ZCCHC17: variants seen among roughly 807,000 people sequenced by gnomAD.
ZCCHC17 encodes the protein zinc finger CCHC-type containing 17.
A neutral mutation model predicts 30.6 loss-of-function variants in ZCCHC17; 18 were observed. That is an observed-to-expected ratio of 0.59 (90% confidence interval 0.41 to 0.87). ZCCHC17 has a LOEUF of 0.87. Ranked by LOEUF, ZCCHC17 falls within the 40% of genes least tolerant of loss-of-function variation. The probability of loss-of-function intolerance (pLI) is 0.00; values close to 1 mark genes in which losing one functional copy is unlikely to be tolerated. For synonymous variants in ZCCHC17, 88 were observed against 92.4 expected, an observed-to-expected ratio of 0.95 and a Z score of 0.27; for missense variants, 263 against 284.2, an observed-to-expected ratio of 0.93 and a Z score of 0.54.
chr1:31,347,607 G>A (rs1277646471), intron 6 of ZCCHC17, among the ~76,000 whole-genome samples: 3 of 152,138 alleles, frequency 2.0e-5, no homozygotes, highest in African/African-American at 7.2e-5. Context: ...CAGAGGTACA[G>A]AGTACTTTAC....
At chr1:31,340,574 C>T (rs111556383) in intron 5 of ZCCHC17, among the ~76,000 whole-genome samples, 2 of 152,142 alleles carry the variant, frequency 1.3e-5, no homozygotes, top group African/African-American at 4.8e-5. Flanking sequence ...GTCTCGGCCT[C>T]CCAAAGTGCT....
chr1:31,301,913 T>G (rs1010937205), intron 1 of ZCCHC17, among the ~76,000 whole-genome samples: 1 of 152,158 alleles, frequency 6.6e-6, no homozygotes, highest in East Asian at 1.9e-4. Context: ...GGGAGGAAAG[T>G]TGGACCACCA....
At chr1:31,318,581 A>G (rs1210379672) in intron 2 of ZCCHC17, among the ~76,000 whole-genome samples, 2 of 152,018 alleles carry the variant, frequency 1.3e-5, no homozygotes, top group East Asian at 3.8e-4. Context: ...GAAACCCAAG[A>G]CTCAGACTTG....
In ZCCHC17 at chr1:31,297,074, T is replaced by C. The variant is rs760519798; in HGVS notation, c.-57T>C. 2.3e-6 allele frequency: 1 copy of C among 436,212 alleles called. No homozygotes were observed. Among genetic ancestry groups the C allele is most frequent in the Non-Finnish European group, 4.1e-6 (1 of 246,216 alleles). 27.0% of individuals were successfully genotyped at this position (436,212 alleles called of 1,614,324 possible). A position where few individuals can be genotyped will look rare whatever the true frequency, so the allele number is the denominator to read the frequency against. ...GACTCGGGGACCTGGAGCTGACGCC[T>C]AGTACGTATGAGGAAGAACGGGGTG... On this transcript the variant is annotated splice_region_variant and 5_prime_UTR_variant, in exon 1 of 8. Transcript: ENST00000344147.
intron 3 of ZCCHC17, among the ~76,000 whole-genome samples, chr1:31,330,830 A>G (rs1376214075): frequency 6.6e-6 from 1 of 152,170 alleles, no homozygotes; most frequent in African/African-American, 2.4e-5. Flanking sequence ...AGGGGCCTCA[A>G]ATATTTTATA....
intron 3 of ZCCHC17, among the ~76,000 whole-genome samples, chr1:31,320,262 T>G (rs1405094756): frequency 6.6e-6 from 1 of 152,186 alleles, no homozygotes; most frequent in Non-Finnish European, 1.5e-5. Flanking sequence ...AAAGCTAATC[T>G]CAAAAGGTTA....
intron 7 of ZCCHC17, among the ~76,000 whole-genome samples, chr1:31,363,221 T>A (rs180827059): frequency 1.4e-4 from 21 of 151,252 alleles, no homozygotes; most frequent in African/African-American, 5.1e-4. Flanking sequence ...TCTCGCTCTG[T>A]CGCCAAGGCT....
chr1:31,338,797 T>G (rs191022040), intron 4 of ZCCHC17, among the ~76,000 whole-genome samples, 160 bp from the exon 5 acceptor site: 2 of 152,276 alleles, frequency 1.3e-5, no homozygotes, highest in East Asian at 3.9e-4. Context: ...TGCCACAGGG[T>G]CTACCTGTTA....
chr1:31,348,632 T>C (rs1405221484), intron 6 of ZCCHC17, among the ~76,000 whole-genome samples, 197 bp from the exon 7 acceptor site: 2 of 152,228 alleles, frequency 1.3e-5, no homozygotes, highest in East Asian at 3.8e-4. Flanking sequence ...GACCAGCTGC[T>C]AGTCTGGCTG....
rs377764762 is a variant in ZCCHC17 at position 31,307,286 on chromosome 1, T to C, written c.-55-2758T>C. 1.6e-4 allele frequency among the ~76,000 whole-genome samples: 25 copies of C among 152,066 alleles called. 1 individual carries two copies. The South Asian group carries it at 5.0e-3, about 30-fold the overall frequency. On this transcript the variant is annotated intron_variant, in intron 1 of 7. Coordinates refer to ENST00000344147, the MANE Select transcript of ZCCHC17 (RefSeq NM_016505.4). ...GGCCCCAGTTTCCTTCTTGAAGAAT[T>C]GCATGGGGTTTCTTAGGCCACTGTT...
chr1:31,316,342 TC>T (rs1250404609), intron 2 of ZCCHC17, among the ~76,000 whole-genome samples: 9 of 152,210 alleles, frequency 5.9e-5, no homozygotes, highest in Admixed American at 5.9e-4. Flanking sequence ...CCTCAAGTGA[TC>T]CACCTGCCTC....
At chr1:31,306,896 G>T (rs1646473708) in intron 1 of ZCCHC17, among the ~76,000 whole-genome samples, 1 of 151,934 alleles carries the variant, frequency 6.6e-6, no homozygotes, top group South Asian at 2.1e-4. Flanking sequence ...AGACTATAGT[G>T]GGGCCATCTC....
At chr1:31,318,072 C>T in intron 2 of ZCCHC17, 1 of 943,686 alleles carries the variant, frequency 1.1e-6, no homozygotes, top group Non-Finnish European at 1.5e-6. Context: ...TTATGCAAAG[C>T]ATTTTGAATA....
rs1185342360 is a variant in ZCCHC17, at chr1:31,359,891, T to A, written c.565-4141T>A. ...CATTATCTTCTGTTTCCCTTCTCAC[T>A]TGAATGAAGTTGAGAGAGCAGAAGC... On this transcript the variant is annotated intron_variant, in intron 7 of 7. Transcript: ENST00000344147. 2.0e-5 allele frequency among the ~76,000 whole-genome samples: 3 copies of A among 152,202 alleles called. No homozygotes were observed. In the South Asian group the frequency reaches 6.2e-4, roughly 31 times the overall value.
At chr1:31,322,285 C>T (rs553679234) in intron 3 of ZCCHC17, among the ~76,000 whole-genome samples, 1 of 152,294 alleles carries the variant, frequency 6.6e-6, no homozygotes, top group Non-Finnish European at 1.5e-5. Flanking sequence ...TCCCACATGA[C>T]TACCCTCACT....
chr1:31,345,854 C>T (rs762178729), intron 5 of ZCCHC17, among the ~76,000 whole-genome samples: 3 of 151,636 alleles, frequency 2.0e-5, no homozygotes, highest in South Asian at 2.1e-4. Context: ...GGGGGAAATC[C>T]GACCCCATTA....
Position 31,364,285 on chromosome 1 carries a change from C to T in ZCCHC17, c.*92C>T. The stretch of plus-strand genomic sequence containing the variant: ...GAAAGACTCAATAGTGAGAATATAG[C>T]CTCCCACCCCATTAACTTCGCTCCC... On this transcript the variant is annotated 3_prime_UTR_variant, in exon 8 of 8. Transcript: ENST00000344147. 6.8e-7 allele frequency: 1 copy of T among 1,470,078 alleles called. No individual in the cohort carries two copies. Among genetic ancestry groups the T allele is most frequent in the Non-Finnish European group, 9.0e-7 (1 of 1,110,564 alleles). 91.1% of individuals were successfully genotyped at this position (1,470,078 alleles called of 1,614,324 possible).
intron 1 of ZCCHC17, among the ~76,000 whole-genome samples, chr1:31,299,886 A>G (rs1380516330): frequency 6.6e-6 from 1 of 152,184 alleles, no homozygotes; most frequent in African/African-American, 2.4e-5. Context: ...AGAAAACTGA[A>G]GAAAAAGGGG....
At chr1:31,318,645 G>A (rs2148426828) in intron 2 of ZCCHC17, among the ~76,000 whole-genome samples, 1 of 152,260 alleles carries the variant, frequency 6.6e-6, no homozygotes, top group South Asian at 2.1e-4. Context: ...TCAGGTATGA[G>A]GGGAGGAATG....
Sources: allele counts gnomAD v4.1 joint callset (sites outside exome capture counted in the v4.1 genomes callset), GRCh38; gene constraint gnomAD v4.1.1; transcripts MANE v1.5; gene names NCBI Gene and HGNC (gene_info 2026-07-23, HGNC 2026-07-21).